Variants in SLC17A5 observed in about 807,000 individuals in gnomAD.
SLC17A5 encodes solute carrier family 17 member 5, also known as sialin.
SLC17A5 carries 47 observed loss-of-function variants against 59.4 expected under a neutral mutation model. That is an observed-to-expected ratio of 0.79 (90% CI 0.63 to 1.01). The LOEUF (loss-of-function observed/expected upper bound fraction) is 1.01. SLC17A5 is among the 50% of genes least tolerant of loss of function. The probability of loss-of-function intolerance (pLI) is 0.00; values close to 1 mark genes in which losing one functional copy is unlikely to be tolerated. For missense variants in SLC17A5, 522 were observed against 595.5 expected, an observed-to-expected ratio of 0.88 and a Z score of 1.28; for synonymous variants, 202 against 210.7, an observed-to-expected ratio of 0.96 and a Z score of 0.36.
intron 3 of SLC17A5, among the ~76,000 whole-genome samples, chr6:73,639,117 C>T (rs1769158398): frequency 1.3e-5 from 2 of 150,986 alleles, no homozygotes; most frequent in Non-Finnish European, 2.9e-5. Flanking sequence ...AGCCTTTCTT[C>T]TTTTTTTTCC....
intron 8 of SLC17A5, among the ~76,000 whole-genome samples, chr6:73,614,075 G>A (rs1242154860): frequency 6.6e-6 from 1 of 152,198 alleles, no homozygotes; most frequent in Non-Finnish European, 1.5e-5. Context: ...AGACCAGCCT[G>A]GACAACGTGG....
intron 6 of SLC17A5, among the ~76,000 whole-genome samples, chr6:73,627,932 T>C (rs1768513824): frequency 6.6e-6 from 1 of 151,774 alleles, no homozygotes. Context: ...CTTTTTTTTT[T>C]TTTTTTGAGA....
chr6:73,602,783 A>AC (rs1272819042), intron 9 of SLC17A5, among the ~76,000 whole-genome samples: 17 of 152,166 alleles, frequency 1.1e-4, no homozygotes, highest in African/African-American at 4.1e-4. Context: ...TCAAAAAAAA[A>AC]AAAAAAAAAA....
intron 9 of SLC17A5, among the ~76,000 whole-genome samples, chr6:73,600,721 G>A (rs1002976344): frequency 6.6e-6 from 1 of 151,840 alleles, no homozygotes; most frequent in South Asian, 2.1e-4. Flanking sequence ...GGCTGCTCTC[G>A]AGCTCCTGAC....
At chr6:73,602,502 C>T (rs552127138) in intron 9 of SLC17A5, among the ~76,000 whole-genome samples, 5 of 152,126 alleles carry the variant, frequency 3.3e-5, no homozygotes, top group Admixed American at 6.6e-5. Flanking sequence ...AGGCTGGGCG[C>T]GGTGGCTCAC....
intron 6 of SLC17A5, among the ~76,000 whole-genome samples, chr6:73,626,552 C>T (rs1039356484): frequency 3.9e-5 from 6 of 152,068 alleles, no homozygotes; most frequent in African/African-American, 7.2e-5. Flanking sequence ...AAACTATCCG[C>T]GTATCTAGCA....
At chr6:73,653,625 C>A (rs1039061086) in intron 1 of SLC17A5, 168 bp downstream of exon 1, 2 of 527,526 alleles carry the variant, frequency 3.8e-6, no homozygotes, top group East Asian at 3.0e-4. Context: ...CCGAGGCAGG[C>A]GGGACTGAGC....
chr6:73,636,723 A>G lies in SLC17A5; in HGVS notation c.614-16T>C, dbSNP rs1179796382. 6.4e-7 allele frequency: 1 copy of G among 1,556,352 alleles called. No homozygotes were observed. Among genetic ancestry groups the G allele is most frequent in the East Asian group, 2.2e-5 (1 of 44,568 alleles). On this transcript the variant is annotated splice_polypyrimidine_tract_variant and intron_variant, in intron 4 of 10. Transcript: ENST00000355773. ...AGCTGTGCTCCTAGAACAACACATA[A>G]GACTATTTTATAAACTTTGGAGAGA...
chr6:73,653,210 C>A, intron 1 of SLC17A5: 2 of 985,430 alleles, frequency 2.0e-6, no homozygotes, highest in Non-Finnish European at 2.4e-6. Flanking sequence ...CCTCTGCATA[C>A]TCACAAATGT....
chr6:73,644,995 T>C (rs1476647299), intron 1 of SLC17A5, among the ~76,000 whole-genome samples: 2 of 152,094 alleles, frequency 1.3e-5, no homozygotes, highest in Non-Finnish European at 2.9e-5. Flanking sequence ...AACATGGAGG[T>C]AGTAGTTTTA....
At chr6:73,630,178 A>C (rs1364158119) in intron 6 of SLC17A5, among the ~76,000 whole-genome samples, 1 of 151,686 alleles carries the variant, frequency 6.6e-6, no homozygotes, top group East Asian at 1.9e-4. Context: ...TTTTTACTAG[A>C]GATGGAGCTT....
chr6:73,615,138 G>T (rs554242137), intron 8 of SLC17A5, among the ~76,000 whole-genome samples, 177 bp downstream of exon 8: 1 of 152,198 alleles, frequency 6.6e-6, no homozygotes, highest in African/African-American at 2.4e-5. Flanking sequence ...TGCAGAACTG[G>T]TTATGTGTAG....
chr6:73,597,848 G>C (rs1355174417), intron 10 of SLC17A5, among the ~76,000 whole-genome samples: 1 of 152,006 alleles, frequency 6.6e-6, no homozygotes, highest in Non-Finnish European at 1.5e-5. Context: ...TAGCAATGAG[G>C]AAGTGAAAGA....
At chr6:73,603,778 T>C (rs1368068977) in intron 9 of SLC17A5, among the ~76,000 whole-genome samples, 1 of 152,136 alleles carries the variant, frequency 6.6e-6, no homozygotes, top group Admixed American at 6.6e-5. Context: ...AATTCTGGAC[T>C]TTGAAGATTG....
At chr6:73,612,730 A>G (rs952455238) in intron 8 of SLC17A5, among the ~76,000 whole-genome samples, 5 of 152,126 alleles carry the variant, frequency 3.3e-5, no homozygotes, top group Non-Finnish European at 4.4e-5. Flanking sequence ...ACATACCATC[A>G]TGCCTAACTG....
intron 6 of SLC17A5, among the ~76,000 whole-genome samples, chr6:73,633,796 C>T (rs1768874059): frequency 6.6e-6 from 1 of 151,738 alleles, no homozygotes; most frequent in Admixed American, 6.6e-5. Context: ...AGGAGAATTG[C>T]TTGAACCAGG....
chr6:73,602,066 G>A (rs932953079), intron 9 of SLC17A5, among the ~76,000 whole-genome samples: 1 of 151,924 alleles, frequency 6.6e-6, no homozygotes, highest in African/African-American at 2.4e-5. Flanking sequence ...AAGTAGACAT[G>A]GGAGACTTTT....
chr6:73,600,282 T>G (rs1403635330), intron 10 of SLC17A5, 69 bp downstream of exon 10: 1 of 1,166,634 alleles, frequency 8.6e-7, no homozygotes, highest in East Asian at 2.5e-5. Flanking sequence ...TTAATTAAAA[T>G]ACACTGAACT....
In SLC17A5 at chr6:73,613,637, C is replaced by T. The variant is rs147340375; in HGVS notation, c.1111+1678G>A. On this transcript the variant is annotated intron_variant, in intron 8 of 10. Coordinates refer to ENST00000355773, the MANE Select transcript of SLC17A5 (RefSeq NM_012434.5). ...TCAGCCTCCCAAAGTGCTAGGATTA[C>T]AGGCATAAGCCACTGCGCCCAGTGA... 1.9e-3 allele frequency among the ~76,000 whole-genome samples: 284 copies of T among 152,262 alleles called. 2 individuals are homozygous for T. The highest frequency in any genetic ancestry group is 6.6e-3 in the African/African-American group (273 of 41,568).
Sources: gnomAD v4.1 joint callset for allele counts (sites outside exome capture counted in the v4.1 genomes callset) on GRCh38, gnomAD v4.1.1 for gene constraint, MANE v1.5 for transcripts, NCBI Gene and HGNC (gene_info 2026-07-23, HGNC 2026-07-21) for gene names.